PTPRD: variants seen among roughly 807,000 people sequenced by gnomAD.
The protein encoded by PTPRD is receptor-type tyrosine-protein phosphatase delta.
PTPRD carries 34 observed loss-of-function variants against 214.5 expected under a neutral mutation model. The observed-to-expected ratio is 0.16, with a 90% CI of 0.12 to 0.21. The LOEUF (loss-of-function observed/expected upper bound fraction) is 0.21. PTPRD is among the 10% of genes least tolerant of loss of function. The pLI, the probability that PTPRD is intolerant of heterozygous loss-of-function variation, is 1.00. For synonymous variants in PTPRD, 1,128 were observed against 845.7 expected, an observed-to-expected ratio of 1.33 and a Z score of -5.79; for missense variants, 2,545 against 2,398.7, an observed-to-expected ratio of 1.06 and a Z score of -1.27.
At chr9:10,480,121 A>AACAC (rs149141276) in intron 2 of PTPRD, among the ~76,000 whole-genome samples, 2 of 151,466 alleles carry the variant, frequency 1.3e-5, no homozygotes, top group Non-Finnish European at 1.5e-5. Context: ...GAGAAAACAA[A>AACAC]AAACAAACAA....
At chr9:8,520,136 AG>A (rs1413633294) in intron 20 of PTPRD, among the ~76,000 whole-genome samples, 1 of 152,190 alleles carries the variant, frequency 6.6e-6, no homozygotes, top group Non-Finnish European at 1.5e-5. Flanking sequence ...TGCTAATTAA[AG>A]CTGTGCTCAC....
At chr9:8,584,272 G>A (rs898552146) in intron 14 of PTPRD, among the ~76,000 whole-genome samples, 4 of 152,046 alleles carry the variant, frequency 2.6e-5, no homozygotes, top group African/African-American at 9.7e-5. Context: ...AACCATTTCT[G>A]CAGTCATCAA....
rs527488217 is a variant in PTPRD at position 9,828,761 on chromosome 9, A to C, written c.-367-61910T>G. Among the ~76,000 whole-genome samples the C allele has an allele frequency of 1.9e-3, 283 of 151,902 alleles. 1 individual carries two copies. The highest frequency in any genetic ancestry group is 6.5e-3 in the African/African-American group (269 of 41,496). ...TTGTAGTTAGTTACTTTACCTTCCA[A>C]CAATCAATATAACTACTTGAAGTAG... On this transcript the variant is annotated intron_variant, in intron 5 of 45. Transcript: ENST00000381196.
chr9:9,845,151 TC>T (rs2059260793), intron 5 of PTPRD, among the ~76,000 whole-genome samples: 1 of 39,482 alleles, frequency 2.5e-5, no homozygotes, highest in Non-Finnish European at 5.4e-5. Context: ...TATATATTGC[TC>T]TATATATAGA....
chr9:10,526,062 G>C (rs966362841), intron 2 of PTPRD, among the ~76,000 whole-genome samples: 2 of 152,046 alleles, frequency 1.3e-5, no homozygotes, highest in East Asian at 3.9e-4. Flanking sequence ...AGTGGGTGTT[G>C]TATTAAGCAG....
intron 39 of PTPRD, among the ~76,000 whole-genome samples, chr9:8,366,170 T>A (rs2079822218): frequency 6.6e-6 from 1 of 152,214 alleles, no homozygotes; most frequent in South Asian, 2.1e-4. Context: ...ATAATTCTCA[T>A]CATCCTCTCC....
intron 11 of PTPRD, among the ~76,000 whole-genome samples, chr9:8,870,151 C>T (rs986464455): frequency 6.1e-5 from 9 of 147,880 alleles, no homozygotes; most frequent in South Asian, 4.3e-4. Context: ...AAGGTTTAAA[C>T]GTAAAAGACA....
Position 8,485,846 on chromosome 9 carries a change from C to T in PTPRD, c.2971G>A (p.Asp991Asn), listed in dbSNP as rs146684382. The change falls in exon 28 of 46, where the codon GAT becomes AAT. Residue 991 changes from aspartate (D) to asparagine (N), a missense_variant. Asp to Asn is a conservative substitution (Grantham distance 23, BLOSUM62 1). Transcript: ENST00000381196. ...LTGLKPDTTYDVKVRAHTSKG... is the reference protein window; with the variant it reads ...LTGLKPDTTYNVKVRAHTSKG... ...CTCGTATGAGCACGTACTTTTACAT[C>T]GTATGTGGTATCTGGTTTTAAGCCA... is the stretch of plus-strand genomic sequence containing the variant. 8.1e-6 allele frequency: 13 copies of T among 1,614,136 alleles called. No homozygotes were observed. The highest frequency in any genetic ancestry group is 2.2e-5 in the East Asian group (1 of 44,858).
In PTPRD at chr9:10,223,670, A is replaced by AAATAATAAAAAT. The variant is rs751128853; in HGVS notation, c.-545+117292_-545+117293insATTTTTATTATT. The stretch of plus-strand genomic sequence containing the variant: ...GGGTGACAGAATGAGATTCTGTCTC[A>AAATAATAAAAAT]AATAATAATAATAATAATAATAATA... On this transcript the variant is annotated intron_variant, in intron 3 of 45. Coordinates refer to ENST00000381196, the MANE Select transcript of PTPRD (RefSeq NM_002839.4). Among the ~76,000 whole-genome samples the AAATAATAAAAAT allele has an allele frequency of 6.7e-5, 9 of 134,350 alleles. No individual in the cohort carries two copies. In the East Asian group the frequency reaches 2.0e-3, roughly 29 times the overall value. The allele number at this position is 134,350 out of a possible 152,430, so 88.1% of individuals were successfully genotyped here.
At chr9:9,016,778 G>A (rs1481560839) in intron 11 of PTPRD, among the ~76,000 whole-genome samples, 1 of 152,176 alleles carries the variant, frequency 6.6e-6, no homozygotes, top group Non-Finnish European at 1.5e-5. Context: ...CCCCAGTTAT[G>A]TCATCCAGCA....
intron 11 of PTPRD, among the ~76,000 whole-genome samples, chr9:8,929,841 A>G (rs1476888464): frequency 1.3e-4 from 3 of 22,886 alleles, no homozygotes; most frequent in East Asian, 0.012. Context: ...GTGTATATAT[A>G]TGTGTGTATA....
intron 7 of PTPRD, among the ~76,000 whole-genome samples, chr9:9,723,674 A>T (rs1412961219): frequency 6.6e-6 from 1 of 152,004 alleles, no homozygotes. Flanking sequence ...TTTTCCATTC[A>T]TGTAGATCTT....
chr9:10,488,906 G>A (rs911482735), intron 2 of PTPRD, among the ~76,000 whole-genome samples: 6 of 152,240 alleles, frequency 3.9e-5, no homozygotes, highest in South Asian at 2.1e-4. Context: ...CAATAGCCAA[G>A]TCCTAGAATC....
At chr9:8,766,449 C>G (rs980682405) in intron 11 of PTPRD, among the ~76,000 whole-genome samples, 1 of 152,196 alleles carries the variant, frequency 6.6e-6, no homozygotes, top group Non-Finnish European at 1.5e-5. Context: ...AGGATCCAGC[C>G]TCCTGCAATT....
intron 10 of PTPRD, among the ~76,000 whole-genome samples, chr9:9,122,043 C>T (rs940409116): frequency 2.0e-5 from 3 of 152,084 alleles, no homozygotes; most frequent in Admixed American, 2.0e-4. Flanking sequence ...CTCTCTACTC[C>T]ACCCATAAAA....
chr9:9,854,333 C>T (rs1269395272), intron 5 of PTPRD, among the ~76,000 whole-genome samples: 1 of 151,968 alleles, frequency 6.6e-6, no homozygotes, highest in Non-Finnish European at 1.5e-5. Context: ...TTGTATTTGC[C>T]ATAATTAGAA....
intron 11 of PTPRD, among the ~76,000 whole-genome samples, chr9:8,867,469 T>C (rs1452521479): frequency 6.6e-6 from 1 of 152,094 alleles, no homozygotes; most frequent in East Asian, 1.9e-4. Context: ...GCTAGGTGAG[T>C]CCCAGGCTCT....
Position 10,116,740 on chromosome 9 carries a change from T to C in PTPRD, c.-544-82950A>G, listed in dbSNP as rs553689660. Reference sequence around the variant, plus strand: ...CTGAAAACCCTCCAAAGGCTCCCCATTGGCTTGACTCATAGTGAAGTTCTG... The same window carrying C: ...CTGAAAACCCTCCAAAGGCTCCCCACTGGCTTGACTCATAGTGAAGTTCTG... On this transcript the variant is annotated intron_variant, in intron 3 of 45. Coordinates refer to ENST00000381196, the MANE Select transcript of PTPRD (RefSeq NM_002839.4). 5.3e-5 allele frequency among the ~76,000 whole-genome samples: 8 copies of C among 152,234 alleles called. No individual in the cohort carries two copies. The East Asian group carries it at 7.7e-4, about 15-fold the overall frequency.
At chr9:8,984,057 T>G (rs4742553) in intron 11 of PTPRD, among the ~76,000 whole-genome samples, 93,383 of 151,798 alleles carry the variant, frequency 0.62, 28,902 homozygotes, top group South Asian at 0.72. Context: ...GTATGTGTGT[T>G]TTCTACTTAA....
Sources: gnomAD v4.1 joint callset for allele counts (sites outside exome capture counted in the v4.1 genomes callset) on GRCh38, gnomAD v4.1.1 for gene constraint, MANE v1.5 for transcripts, NCBI Gene and HGNC (gene_info 2026-07-23, HGNC 2026-07-21) for gene names.